WWOX: variants seen among roughly 807,000 people sequenced by gnomAD.
WWOX encodes WW domain-containing oxidoreductase.
In WWOX, 69 loss-of-function variants were observed where a neutral mutation model predicts 46.2. The ratio of observed to expected loss-of-function variants is 1.49; its 90% CI spans 1.23 to 1.82. WWOX has a LOEUF of 1.82. WWOX is among the 40% of genes most tolerant of loss of function. The pLI, the probability that WWOX is intolerant of heterozygous loss-of-function variation, is 0.00. For synonymous variants in WWOX, 359 were observed against 202.6 expected, an observed-to-expected ratio of 1.77 and a Z score of -6.56; for missense variants, 919 against 542.6, an observed-to-expected ratio of 1.69 and a Z score of -6.89.
chr16:79,121,688 G>A (rs921292416), intron 8 of WWOX, among the ~76,000 whole-genome samples: 1 of 152,264 alleles, frequency 6.6e-6, no homozygotes, highest in African/African-American at 2.4e-5. Flanking sequence ...GCTGGGCTTT[G>A]GGAAGAGAAA....
chr16:78,891,964 G>C (rs951835699), intron 8 of WWOX: 7 of 151,100 alleles, frequency 4.6e-5, no homozygotes, highest in African/African-American at 1.2e-4. Flanking sequence ...GTCTTCCCTA[G>C]CTTGAGAAAT....
chr16:78,107,062 G>T (rs150489868), intron 1 of WWOX, among the ~76,000 whole-genome samples: 16 of 152,292 alleles, frequency 1.1e-4, no homozygotes, highest in Admixed American at 4.6e-4. Flanking sequence ...TAGAAAATTC[G>T]TGCTCTCTGT....
At chr16:79,091,441 G>C (rs1373831544) in intron 8 of WWOX, among the ~76,000 whole-genome samples, 3 of 152,052 alleles carry the variant, frequency 2.0e-5, no homozygotes, top group African/African-American at 7.2e-5. Context: ...TTCCCCACTG[G>C]GTGTTCATTC....
chr16:78,580,739 G>A (rs1466934445), intron 8 of WWOX, among the ~76,000 whole-genome samples: 1 of 152,182 alleles, frequency 6.6e-6, no homozygotes, highest in East Asian at 1.9e-4. Context: ...AGAAAATGGC[G>A]ACAAAGATTA....
At chr16:78,277,371 C>G (rs993360137) in intron 5 of WWOX, among the ~76,000 whole-genome samples, 23 of 152,308 alleles carry the variant, frequency 1.5e-4, no homozygotes, top group Non-Finnish European at 2.6e-4. Context: ...CCATTTCTAG[C>G]ATTCTCTCCT....
intron 8 of WWOX, among the ~76,000 whole-genome samples, chr16:78,903,895 C>T (rs1442779479): frequency 6.6e-6 from 1 of 152,158 alleles, no homozygotes; most frequent in Non-Finnish European, 1.5e-5. Flanking sequence ...TCCTCCTTTA[C>T]AGAGGTGGGT....
At chr16:78,981,924 T>G (rs2046690152) in intron 8 of WWOX, 1 of 152,166 alleles carries the variant, frequency 6.6e-6, no homozygotes, top group East Asian at 1.9e-4. Flanking sequence ...TCCTGAAGAT[T>G]TGGATGCTAC....
In WWOX at chr16:78,516,116, T is replaced by G. The variant is rs74033006; in HGVS notation, c.1056+83364T>G. 6.5e-3 allele frequency among the ~76,000 whole-genome samples: 992 copies of G among 152,262 alleles called. 13 individuals carry two copies. The highest frequency in any genetic ancestry group is 0.022 in the African/African-American group (905 of 41,540). On this transcript the variant is annotated intron_variant, in intron 8 of 8. Transcript: ENST00000566780. Reference sequence around the variant, plus strand: ...GCAAATGAATAGCAAGAAAAATAGTTCTTGGCGTGCCCCTTTCTTTCCGCA... The same window carrying G: ...GCAAATGAATAGCAAGAAAAATAGTGCTTGGCGTGCCCCTTTCTTTCCGCA...
chr16:78,764,748 A>T (rs533856732), intron 8 of WWOX, among the ~76,000 whole-genome samples: 4 of 151,646 alleles, frequency 2.6e-5, no homozygotes, highest in East Asian at 4.0e-4. Flanking sequence ...TGAGGATTCA[A>T]TGAGGTACTG....
At chr16:78,835,559 C>G (rs1192086096) in intron 8 of WWOX, among the ~76,000 whole-genome samples, 1 of 152,146 alleles carries the variant, frequency 6.6e-6, no homozygotes, top group Admixed American at 6.6e-5. Flanking sequence ...CACAGTTGTT[C>G]ACACACATAT....
At chr16:78,440,858 A>G (rs1452533711) in intron 8 of WWOX, among the ~76,000 whole-genome samples, 1 of 152,126 alleles carries the variant, frequency 6.6e-6, no homozygotes, top group African/African-American at 2.4e-5. Context: ...ACCTCAGGTG[A>G]TCCACCTGCC....
At chr16:78,596,525 G>A (rs183453812) in intron 8 of WWOX, among the ~76,000 whole-genome samples, 49 of 152,254 alleles carry the variant, frequency 3.2e-4, no homozygotes, top group Middle Eastern at 3.4e-3. Context: ...TGGCGAGATC[G>A]TGACAGGTGT....
chr16:78,616,261 G>T (rs534984842), intron 8 of WWOX, among the ~76,000 whole-genome samples: 1 of 151,930 alleles, frequency 6.6e-6, no homozygotes, highest in East Asian at 1.9e-4. Flanking sequence ...GTTTGTCTTA[G>T]TTTTTTTGGG....
intron 5 of WWOX, among the ~76,000 whole-genome samples, chr16:78,235,071 C>G (rs2037391290): frequency 6.6e-6 from 1 of 151,978 alleles, no homozygotes; most frequent in Admixed American, 6.6e-5. Context: ...GAAAAATACA[C>G]ACACACACGT....
At chr16:78,887,418 C>G (rs867428974) in intron 8 of WWOX, among the ~76,000 whole-genome samples, 17 of 150,574 alleles carry the variant, frequency 1.1e-4, no homozygotes, top group South Asian at 1.1e-3. Context: ...GATATTTACA[C>G]AAATTATGAA....
chr16:79,011,866 C>G (rs570058334), intron 8 of WWOX, among the ~76,000 whole-genome samples: 9 of 152,234 alleles, frequency 5.9e-5, no homozygotes, highest in Non-Finnish European at 1.0e-4. Context: ...GTTCTTCAGG[C>G]TAGTCTTGAA....
At chr16:78,309,334 T>G (rs1054815183) in intron 5 of WWOX, among the ~76,000 whole-genome samples, 2 of 152,316 alleles carry the variant, frequency 1.3e-5, no homozygotes, top group East Asian at 1.9e-4. Context: ...CTGCCCTGAT[T>G]ATAAGTTTCT....
At chr16:78,298,965 G>C (rs1264841312) in intron 5 of WWOX, among the ~76,000 whole-genome samples, 4 of 151,988 alleles carry the variant, frequency 2.6e-5, no homozygotes, top group Admixed American at 1.3e-4. Flanking sequence ...TCCTTTTCCT[G>C]TTCCTTGCCC....
chr16:78,558,463 T>C (rs553865228), intron 8 of WWOX, among the ~76,000 whole-genome samples: 12 of 152,372 alleles, frequency 7.9e-5, no homozygotes, highest in African/African-American at 2.6e-4. Flanking sequence ...GCCTGCATTT[T>C]ACATTTGGCT....
Sources: allele counts gnomAD v4.1 joint callset (sites outside exome capture counted in the v4.1 genomes callset), GRCh38; gene constraint gnomAD v4.1.1; transcripts MANE v1.5; gene names NCBI Gene and HGNC (gene_info 2026-07-23, HGNC 2026-07-21).